The following CPAP variants were observed in gnomAD, a reference collection of about 807,000 sequenced individuals.
CPAP encodes the protein centrosomal P4.1-associated protein.
chr13:24,917,138 T>C, the CPAP span, among the ~76,000 whole-genome samples: 1 of 152,042 alleles, frequency 6.6e-6, no homozygotes, highest in Admixed American at 6.6e-5. Context: ...TAGTCCCAGC[T>C]ACTCGGGGAG....
chr13:24,907,970 G>C, the CPAP span: 2 of 1,253,650 alleles, frequency 1.6e-6, no homozygotes, highest in African/African-American at 2.9e-5. Context: ...ATAAAGGCTA[G>C]CTATTGTACT....
At chr13:24,902,893 A>G in the CPAP span, among the ~76,000 whole-genome samples, 1 of 152,210 alleles carries the variant, frequency 6.6e-6, no homozygotes, top group South Asian at 2.1e-4. Flanking sequence ...CTACAGTTGT[A>G]TGAATTTCTC....
At chr13:24,927,983 T>A in the CPAP span, among the ~76,000 whole-genome samples, 2 of 152,244 alleles carry the variant, frequency 1.3e-5, no homozygotes, top group Non-Finnish European at 2.9e-5. Context: ...TGTTTACTTA[T>A]GTTGACCAGG....
At chr13:24,894,404 A>T in the CPAP span, among the ~76,000 whole-genome samples, 3 of 152,206 alleles carry the variant, frequency 2.0e-5, no homozygotes, top group Non-Finnish European at 4.4e-5. Flanking sequence ...CCTCTGGCCC[A>T]AGCACAGGGG....
chr13:24,906,409 C>A, the CPAP span: 1 of 1,613,564 alleles, frequency 6.2e-7, no homozygotes, highest in Non-Finnish European at 8.5e-7. Flanking sequence ...TCATGGTCTC[C>A]CTTATGGGGC....
At chr13:24,884,482 A>T in the CPAP span, 4 of 1,613,504 alleles carry the variant, frequency 2.5e-6, no homozygotes, top group Non-Finnish European at 2.5e-6. Flanking sequence ...CCAACACAAG[A>T]TTATCACCTA....
chr13:24,902,896 A>G, the CPAP span, among the ~76,000 whole-genome samples: 1 of 152,186 alleles, frequency 6.6e-6, no homozygotes, highest in African/African-American at 2.4e-5. Flanking sequence ...CAGTTGTATG[A>G]ATTTCTCCTC....
the CPAP span, chr13:24,885,873 T>C: frequency 5.3e-6 from 3 of 570,292 alleles, no homozygotes; most frequent in Middle Eastern, 4.8e-4. Flanking sequence ...GACAGTATCT[T>C]GTCTCAGAGT....
the CPAP span, among the ~76,000 whole-genome samples, chr13:24,924,305 G>GGGAAGAATTTCTAAAATGTGAC: frequency 6.6e-6 from 1 of 151,804 alleles, no homozygotes; most frequent in Non-Finnish European, 1.5e-5. Flanking sequence ...CCTAAAATGT[G>GGGAAGAATTTCTAAAATGTGAC]TATCTTTAAG....
the CPAP span, chr13:24,910,182 A>G: frequency 9.4e-7 from 1 of 1,060,752 alleles, no homozygotes; most frequent in Non-Finnish European, 1.4e-6. Context: ...ACTTCTCCAC[A>G]GTGACAACAG....
chr13:24,910,471 G>A, the CPAP span, among the ~76,000 whole-genome samples: 49 of 152,222 alleles, frequency 3.2e-4, 1 homozygote, highest in African/African-American at 8.9e-4. Flanking sequence ...GTGATCTGCC[G>A]GCCTTGGCCT....
the CPAP span, among the ~76,000 whole-genome samples, chr13:24,903,282 C>A: frequency 1.3e-5 from 2 of 152,128 alleles, no homozygotes; most frequent in African/African-American, 4.8e-5. Flanking sequence ...TTTGCAGATA[C>A]AATTAAGATG....
the CPAP span, among the ~76,000 whole-genome samples, chr13:24,895,415 A>G: frequency 3.4e-5 from 5 of 146,032 alleles, no homozygotes; most frequent in African/African-American, 1.2e-4. Context: ...CTCTACTAAA[A>G]ATACAAAAAA....
At chr13:24,908,011 A>G in the CPAP span, 12 of 1,572,302 alleles carry the variant, frequency 7.6e-6, no homozygotes, top group Middle Eastern at 3.3e-4. Context: ...TTCAACACGA[A>G]CAATACCTTT....
chr13:24,882,895 T>C, the CPAP span: 1 of 409,770 alleles, frequency 2.4e-6, no homozygotes, highest in Non-Finnish European at 4.5e-6. Flanking sequence ...TAGCCATTTC[T>C]AACCAATAAA....
At chr13:24,892,647 A>G in the CPAP span, 2 of 1,613,868 alleles carry the variant, frequency 1.2e-6, no homozygotes, top group East Asian at 2.2e-5. Flanking sequence ...GCCTACCGCA[A>G]GCTTGTCCTT....
At chr13:24,901,510 T>C in the CPAP span, among the ~76,000 whole-genome samples, 2 of 152,296 alleles carry the variant, frequency 1.3e-5, no homozygotes, top group East Asian at 3.9e-4. Context: ...AGGAAGTAGA[T>C]TTTTAAATAA....
the CPAP span, among the ~76,000 whole-genome samples, chr13:24,923,759 C>T: frequency 6.6e-6 from 1 of 152,196 alleles, no homozygotes; most frequent in Non-Finnish European, 1.5e-5. Flanking sequence ...TTGCTTTCTA[C>T]TTCAAAAAGA....
the CPAP span, among the ~76,000 whole-genome samples, chr13:24,921,651 G>A: frequency 6.6e-6 from 1 of 151,208 alleles, no homozygotes; most frequent in African/African-American, 2.4e-5. Context: ...AATCAACCAC[G>A]TAACTTTGCT....
Sources: allele counts gnomAD v4.1 joint callset (sites outside exome capture counted in the v4.1 genomes callset), GRCh38; gene constraint gnomAD v4.1.1; transcripts MANE v1.5; gene names NCBI Gene and HGNC (gene_info 2026-07-23, HGNC 2026-07-21).